Variants in MAK observed in about 807,000 individuals in gnomAD.
MAK encodes the protein male germ cell associated kinase.
In MAK, 65 loss-of-function variants were observed where a neutral mutation model predicts 82.6. The ratio of observed to expected loss-of-function variants is 0.79; its 90% confidence interval spans 0.64 to 0.97. MAK has a LOEUF of 0.97. Ranked by LOEUF, MAK falls within the 50% of genes least tolerant of loss-of-function variation. The probability of loss-of-function intolerance (pLI) is 0.00; values close to 1 mark genes in which losing one functional copy is unlikely to be tolerated. For synonymous variants in MAK, 250 were observed against 274.2 expected (o/e 0.91, Z 0.87); for missense variants, 703 against 780.2 (o/e 0.90, Z 1.18).
At chr6:10,807,377 C>G (rs1776567261) in intron 6 of MAK, among the ~76,000 whole-genome samples, 1 of 106,606 alleles carries the variant, frequency 9.4e-6, no homozygotes, top group Non-Finnish European at 1.7e-5. Flanking sequence ...GAGTCTTGCT[C>G]TGTTGCCCAG....
chr6:10,810,345 C>CTTTTTTTTTTTTTTTTT (rs111859354), intron 5 of MAK, among the ~76,000 whole-genome samples: 25 of 121,670 alleles, frequency 2.1e-4, no homozygotes, highest in African/African-American at 2.5e-4. Flanking sequence ...TTATCTTTTT[C>CTTTTTTTTTTTTTTTTT]TTTTTTTTTT....
chr6:10,823,087 T>C (rs1450669443), intron 2 of MAK, among the ~76,000 whole-genome samples: 1 of 152,208 alleles, frequency 6.6e-6, no homozygotes, highest in African/African-American at 2.4e-5. Context: ...GCCTGCTGAA[T>C]TAAGCACAGA....
At position 10,808,858 on chromosome 6, in the gene MAK, C is replaced by T; in HGVS notation, c.443G>A (p.Arg148Lys). ...GTATGGTGGCTGTGACCTTAATTCT[C>T]TTGCAAGTCCAAAATCAGCAATTTT... The part of the protein sequence containing the change: ...LVKIADFGLA[R>K]ELRSQPPYTD... The change falls in exon 6 of 15, where the codon AGA becomes AAA. Residue 148 changes from arginine (R) to lysine (K), a missense_variant. Arg to Lys is a conservative substitution (Grantham distance 26). Coordinates refer to ENST00000354489, the MANE Select transcript of MAK (RefSeq NM_001242957.3). 2 of 1,613,884 alleles carry T rather than the reference C, an allele frequency of 1.2e-6. No individual in the cohort carries two copies. Among genetic ancestry groups the T allele is most frequent in the Non-Finnish European group, 1.7e-6 (2 of 1,179,926 alleles).
At chr6:10,795,530 G>A (rs1167180198) in intron 9 of MAK, among the ~76,000 whole-genome samples, 1 of 152,172 alleles carries the variant, frequency 6.6e-6, no homozygotes, top group Admixed American at 6.5e-5. Context: ...ATCACTTGCA[G>A]TCAGGAACTC....
chr6:10,833,791 C>A (rs558064352), intron 1 of MAK, among the ~76,000 whole-genome samples: 1 of 152,166 alleles, frequency 6.6e-6, no homozygotes, highest in South Asian at 2.1e-4. Flanking sequence ...GGGGTTTCTT[C>A]CTTTTTGTCA....
chr6:10,813,134 AAATT>A (rs1561987638), intron 5 of MAK, among the ~76,000 whole-genome samples: 10 of 714 alleles, frequency 0.014, no homozygotes, highest in Non-Finnish European at 0.026. Flanking sequence ...ATATATATAT[AAATT>A]TTTTTTTTTT....
In MAK at chr6:10,830,677, T is replaced by C. The variant is rs375783146; in HGVS notation, c.-29A>G. 3 of 1,508,526 alleles carry C rather than the reference T, an allele frequency of 2.0e-6. No individual in the cohort carries two copies. Among genetic ancestry groups the C allele is most frequent in the Non-Finnish European group, 2.8e-6 (3 of 1,083,838 alleles). The allele number at this position is 1,508,526 out of a possible 1,614,324, so 93.4% of individuals were successfully genotyped here. A position where few individuals can be genotyped will look rare whatever the true frequency, so the allele number is the denominator to read the frequency against. On this transcript the variant is annotated 5_prime_UTR_variant, in exon 2 of 15. Transcript: ENST00000354489. ...GGAAAAATAATGCAGCAGAAGTTGT[T>C]GATTGAAATGACTTCCTTGTTGAAT...
intron 12 of MAK, among the ~76,000 whole-genome samples, chr6:10,774,616 T>TA: frequency 6.6e-6 from 1 of 152,306 alleles, no homozygotes; most frequent in East Asian, 1.9e-4. Context: ...AAAAAAAAAT[T>TA]AAAAAAACTT....
intron 4 of MAK, among the ~76,000 whole-genome samples, chr6:10,814,272 A>G (rs541432447): frequency 1.8e-4 from 28 of 152,216 alleles, no homozygotes; most frequent in African/African-American, 6.5e-4. Context: ...CCTGGCCTAA[A>G]TAGCTAAATT....
At chr6:10,818,522 G>A (rs1777666402) in intron 3 of MAK, among the ~76,000 whole-genome samples, 3 of 151,594 alleles carry the variant, frequency 2.0e-5, no homozygotes, top group Admixed American at 2.0e-4. Context: ...GCTGAAGCAG[G>A]AGAATCACTT....
chr6:10,812,529 A>G (rs991485579), intron 5 of MAK, among the ~76,000 whole-genome samples: 1 of 152,172 alleles, frequency 6.6e-6, no homozygotes, highest in African/African-American at 2.4e-5. Context: ...AAGGAAAACT[A>G]TAAAACACTG....
intron 13 of MAK, among the ~76,000 whole-genome samples, chr6:10,772,107 T>C (rs2127514436): frequency 6.6e-6 from 1 of 152,342 alleles, no homozygotes; most frequent in Non-Finnish European, 1.5e-5. Context: ...AAATGGGATA[T>C]ATCAGACTCT....
intron 11 of MAK, among the ~76,000 whole-genome samples, chr6:10,782,243 CACACACAG>C (rs1194430112): frequency 1.2e-4 from 17 of 146,244 alleles, no homozygotes; most frequent in Admixed American, 2.7e-4. Context: ...CACACACACA[CACACACAG>C]ACACACACCA....
At position 10,815,912 on chromosome 6, in the gene MAK, G is replaced by GTACATATATATATATATATATA. The variant is rs1554184484; in HGVS notation, c.278+1937_278+1938insTATATATATATATATATATGTA. On this transcript the variant is annotated intron_variant, in intron 4 of 14. Transcript: ENST00000354489. Reference sequence around the variant, plus strand: ...TACTGTATTAGTGTAGCTTTATACAGTATATATATATATATATATATATAT... The same window carrying GTACATATATATATATATATATA: ...TACTGTATTAGTGTAGCTTTATACAGTACATATATATATATATATATATATATATATATATATATATATATAT... Among the ~76,000 whole-genome samples the GTACATATATATATATATATATA allele has an allele frequency of 6.3e-4, 68 of 108,338 alleles. 1 individual carries two copies. The highest frequency in any genetic ancestry group is 8.8e-4 in the Non-Finnish European group (50 of 57,070). The allele number at this position is 108,338 out of a possible 152,430, so 71.1% of individuals were successfully genotyped here. A position where few individuals can be genotyped will look rare whatever the true frequency, so the allele number is the denominator to read the frequency against.
chr6:10,810,905 C>G (rs758583183), intron 5 of MAK, among the ~76,000 whole-genome samples: 27 of 152,186 alleles, frequency 1.8e-4, no homozygotes, highest in Non-Finnish European at 2.9e-4. Context: ...CATATTTGTA[C>G]AGCTGAGGTT....
intron 2 of MAK, among the ~76,000 whole-genome samples, chr6:10,822,742 A>G (rs1207719947): frequency 6.6e-6 from 1 of 152,192 alleles, no homozygotes; most frequent in African/African-American, 2.4e-5. Flanking sequence ...CAAATAAGAG[A>G]TGGTACCATG....
intron 3 of MAK, among the ~76,000 whole-genome samples, chr6:10,818,220 G>C (rs1349766270): frequency 6.6e-6 from 1 of 152,130 alleles, no homozygotes; most frequent in East Asian, 1.9e-4. Flanking sequence ...TTTATAAATA[G>C]GTCTAACTTT....
chr6:10,830,821 G>A lies in MAK; in HGVS notation c.-173C>T. 1.5e-6 allele frequency: 1 copy of A among 669,580 alleles called. No individual in the cohort carries two copies. The highest frequency in any genetic ancestry group is 2.7e-6 in the Non-Finnish European group (1 of 365,216). The allele number at this position is 669,580 out of a possible 1,614,324, so 41.5% of individuals were successfully genotyped here. A position where few individuals can be genotyped will look rare whatever the true frequency, so the allele number is the denominator to read the frequency against. ...CTCCCCCAAGATTACAGAGGTTCATGAGATATAGCATGAAGGAATCGGGCA... is the reference window on the plus strand; with the variant it reads ...CTCCCCCAAGATTACAGAGGTTCATAAGATATAGCATGAAGGAATCGGGCA... On this transcript the variant is annotated 5_prime_UTR_variant, in exon 2 of 15. Transcript: ENST00000354489.
At chr6:10,823,825 C>T (rs930691930) in intron 2 of MAK, among the ~76,000 whole-genome samples, 5 of 152,096 alleles carry the variant, frequency 3.3e-5, no homozygotes, top group African/African-American at 9.7e-5. Context: ...CCACCACACC[C>T]GGCCTGGAAT....
Sources: allele counts gnomAD v4.1 joint callset (sites outside exome capture counted in the v4.1 genomes callset), GRCh38; gene constraint gnomAD v4.1.1; transcripts MANE v1.5; gene names NCBI Gene and HGNC (gene_info 2026-07-23, HGNC 2026-07-21).